The following PRKN variants were observed in gnomAD, a reference collection of about 807,000 sequenced individuals.
PRKN encodes E3 ubiquitin-protein ligase parkin.
Under a neutral mutation model 59.5 loss-of-function variants are expected in PRKN, and 56 were observed. The observed-to-expected ratio is 0.94, with a 90% CI of 0.76 to 1.18. PRKN has a LOEUF of 1.18. PRKN is among the 50% of genes most tolerant of loss of function. PRKN has a pLI of 0.00. For missense variants in PRKN, 657 were observed against 596.4 expected (o/e 1.10, Z -1.06); for synonymous variants, 250 against 222.1 (o/e 1.13, Z -1.12).
At chr6:161,757,052 C>G (rs1788957271) in intron 7 of PRKN, among the ~76,000 whole-genome samples, 1 of 152,096 alleles carries the variant, frequency 6.6e-6, no homozygotes, top group African/African-American at 2.4e-5. Flanking sequence ...ATAAAAGAAA[C>G]TTTGATTCCT....
chr6:162,534,167 G>A (rs183711081), intron 1 of PRKN, among the ~76,000 whole-genome samples: 236 of 152,198 alleles, frequency 1.6e-3, no homozygotes, highest in Non-Finnish European at 2.7e-3. Context: ...TTGACATGAT[G>A]TTCAGATCTT....
rs1562479458 is a variant in PRKN, at chr6:161,483,406, T to C, written c.1083+65448A>G. Among the ~76,000 whole-genome samples, 1 of 152,180 alleles carries C rather than the reference T, an allele frequency of 6.6e-6. No homozygotes were observed. Among genetic ancestry groups the C allele is most frequent in the Non-Finnish European group, 1.5e-5 (1 of 68,034 alleles). ...AGATTGAGCGTGGTTGAAAGGCTTG[T>C]CATGCGTAAGTGCTAATTAGCCCCA... On this transcript the variant is annotated intron_variant, in intron 9 of 11. Coordinates refer to ENST00000366898, the MANE Select transcript of PRKN (RefSeq NM_004562.3). This position sits in a 1 kb window ranked among gnomAD's most constrained non-coding sequence, Gnocchi z 5.0.
chr6:162,555,061 G>T (rs1242046577), intron 1 of PRKN, among the ~76,000 whole-genome samples: 1 of 152,098 alleles, frequency 6.6e-6, no homozygotes, highest in African/African-American at 2.4e-5. Flanking sequence ...AAAAAACCAA[G>T]TAGGAAGGGC....
intron 7 of PRKN, among the ~76,000 whole-genome samples, chr6:161,628,129 T>C (rs1282809817): frequency 6.6e-6 from 1 of 152,186 alleles, no homozygotes; most frequent in Non-Finnish European, 1.5e-5. Flanking sequence ...TCTTATTCTA[T>C]AGAAAAACTA....
chr6:161,889,990 C>T (rs1428720762), intron 6 of PRKN, among the ~76,000 whole-genome samples: 1 of 152,106 alleles, frequency 6.6e-6, no homozygotes, highest in African/African-American at 2.4e-5. Flanking sequence ...TTTGAAAGTA[C>T]ACGCATTCGA....
intron 7 of PRKN, among the ~76,000 whole-genome samples, chr6:161,685,525 G>A (rs542636297): frequency 2.0e-5 from 3 of 152,286 alleles, no homozygotes; most frequent in South Asian, 2.1e-4. Context: ...TTACACATAT[G>A]AGGGGCCCTA....
At chr6:161,663,053 A>T (rs956837546) in intron 7 of PRKN, among the ~76,000 whole-genome samples, 2 of 152,182 alleles carry the variant, frequency 1.3e-5, no homozygotes, top group African/African-American at 4.8e-5. Flanking sequence ...TGGTTTTATA[A>T]AGGGGAGTTC....
At chr6:161,617,207 C>T (rs1022400214) in intron 7 of PRKN, among the ~76,000 whole-genome samples, 3 of 152,158 alleles carry the variant, frequency 2.0e-5, no homozygotes, top group Admixed American at 2.0e-4. Flanking sequence ...TAAATGTCTT[C>T]TTTTGAGAAG....
intron 6 of PRKN, among the ~76,000 whole-genome samples, chr6:161,864,277 T>C (rs1428762540): frequency 6.6e-6 from 1 of 152,224 alleles, no homozygotes; most frequent in Non-Finnish European, 1.5e-5. Flanking sequence ...CTAAATCCTT[T>C]GTTGTCATCT....
At chr6:162,126,265 T>A (rs1781122071) in intron 4 of PRKN, among the ~76,000 whole-genome samples, 1 of 152,182 alleles carries the variant, frequency 6.6e-6, no homozygotes, top group South Asian at 2.1e-4. Flanking sequence ...GAGTTCTGCA[T>A]GTGGACGTGC....
intron 4 of PRKN, among the ~76,000 whole-genome samples, chr6:162,177,943 C>T (rs1477572983): frequency 6.6e-6 from 1 of 152,284 alleles, no homozygotes. Flanking sequence ...GTGGCCAGGC[C>T]TCTTGAAGGA....
chr6:161,601,146 A>G (rs975038013), intron 7 of PRKN, among the ~76,000 whole-genome samples: 1 of 152,234 alleles, frequency 6.6e-6, no homozygotes, highest in Admixed American at 6.5e-5. Flanking sequence ...CATATTGAAT[A>G]TATTTGTTTT....
At chr6:161,746,212 C>A (rs902821991) in intron 7 of PRKN, among the ~76,000 whole-genome samples, 4 of 152,132 alleles carry the variant, frequency 2.6e-5, no homozygotes, top group African/African-American at 9.7e-5. Flanking sequence ...TTGCCAAAAC[C>A]CAGGACCTTT....
chr6:162,361,730 T>C (rs1785151894), intron 2 of PRKN, among the ~76,000 whole-genome samples: 2 of 152,192 alleles, frequency 1.3e-5, no homozygotes, highest in Admixed American at 1.3e-4. Flanking sequence ...AGGTTTGATG[T>C]TCTGCTCAAA....
At chr6:162,576,450 A>G (rs1414809376) in intron 1 of PRKN, among the ~76,000 whole-genome samples, 2 of 152,224 alleles carry the variant, frequency 1.3e-5, no homozygotes, top group Non-Finnish European at 2.9e-5. Context: ...GAAATTACCC[A>G]GTGTTGAACA....
intron 3 of PRKN, among the ~76,000 whole-genome samples, chr6:162,207,935 G>A (rs1256598257): frequency 6.6e-6 from 1 of 152,128 alleles, no homozygotes; most frequent in Non-Finnish European, 1.5e-5. Flanking sequence ...ATAGAATGCA[G>A]CCATGATCAT....
At chr6:161,743,882 T>C (rs1045433975) in intron 7 of PRKN, among the ~76,000 whole-genome samples, 1 of 152,210 alleles carries the variant, frequency 6.6e-6, no homozygotes, top group African/African-American at 2.4e-5. Flanking sequence ...CTATGGTCCC[T>C]GAATATAATT....
At chr6:162,539,512 G>GCAT (rs1363259403) in intron 1 of PRKN, among the ~76,000 whole-genome samples, 2 of 152,158 alleles carry the variant, frequency 1.3e-5, no homozygotes, top group Non-Finnish European at 2.9e-5. Context: ...GAGATCAGCA[G>GCAT]CATCAGTTGG....
intron 5 of PRKN, among the ~76,000 whole-genome samples, chr6:162,053,690 T>G (rs1777742782): frequency 6.6e-6 from 1 of 152,124 alleles, no homozygotes; most frequent in African/African-American, 2.4e-5. Context: ...AAAAAATCAA[T>G]TTTGAATGAT....
Sources: allele counts gnomAD v4.1 joint callset (sites outside exome capture counted in the v4.1 genomes callset), GRCh38; gene constraint gnomAD v4.1.1; non-coding constraint Gnocchi (gnomAD v3.1); transcripts MANE v1.5; gene names NCBI Gene and HGNC (gene_info 2026-07-23, HGNC 2026-07-21).